HEATR5A: variants seen among roughly 807,000 people sequenced by gnomAD.
HEATR5A encodes HEAT repeat-containing protein 5A.
In HEATR5A, 178 loss-of-function variants were observed where a neutral mutation model predicts 218.8. The observed-to-expected ratio is 0.81, with a 90% CI of 0.72 to 0.92. HEATR5A has a LOEUF of 0.92. HEATR5A is among the 40% of genes least tolerant of loss of function. The pLI is 0.00. For missense variants in HEATR5A, 2,420 were observed against 2,418.9 expected (o/e 1.00, Z -0.01); for synonymous variants, 864 against 871.6 (o/e 0.99, Z 0.15).
chr14:31,309,950 A>G (rs1027724334), intron 28 of HEATR5A, among the ~76,000 whole-genome samples: 5 of 152,046 alleles, frequency 3.3e-5, no homozygotes, highest in African/African-American at 9.7e-5. Context: ...CAATCTGCCC[A>G]CTTCAGCCTC....
intron 11 of HEATR5A, among the ~76,000 whole-genome samples, chr14:31,379,730 G>A (rs541538521): frequency 1.3e-5 from 2 of 152,290 alleles, no homozygotes; most frequent in South Asian, 2.1e-4. Context: ...AAGGCGGAAG[G>A]ACTGCTTGAG....
intron 4 of HEATR5A, among the ~76,000 whole-genome samples, chr14:31,396,891 T>C (rs1454846421): frequency 6.6e-6 from 1 of 152,200 alleles, no homozygotes; most frequent in South Asian, 2.1e-4. Context: ...TAATCCTCTA[T>C]TAACCAAGGG....
chr14:31,383,653 C>T lies in HEATR5A; in HGVS notation c.1464G>A (p.Leu488=). Residue 488 remains leucine, a synonymous_variant, in exon 10 of 36, where the codon TTG becomes TTA. Transcript: ENST00000543095. ...CAGTAAGCCGTTCAAGGCAACGATC[C>T]AAGAGTGGTGTTAGGTAGGAGGGTA... is the stretch of plus-strand genomic sequence containing the variant. ...VALPSYLTPL[L]DRCLERLTGH... is the part of the protein sequence containing the mutation. 6.2e-7 allele frequency: 1 copy of T among 1,613,882 alleles called. No homozygotes were observed. Among genetic ancestry groups the T allele is most frequent in the Non-Finnish European group, 8.5e-7 (1 of 1,179,886 alleles).
At chr14:31,335,814 G>T (rs1900630447) in intron 22 of HEATR5A, among the ~76,000 whole-genome samples, 1 of 151,862 alleles carries the variant, frequency 6.6e-6, no homozygotes, top group Non-Finnish European at 1.5e-5. Context: ...CCACCACACA[G>T]ATCTAATTTT....
At chr14:31,314,227 C>T (rs1036438136) in intron 27 of HEATR5A, among the ~76,000 whole-genome samples, 1 of 151,388 alleles carries the variant, frequency 6.6e-6, no homozygotes, top group South Asian at 2.1e-4. Context: ...GGATTATAGG[C>T]GTGAGCCACC....
chr14:31,292,315 A>T lies in HEATR5A; in HGVS notation c.*990T>A, dbSNP rs575385791. ...AAAATTGGTAAGAACAGAGGTAAAC[A>T]GAAAAATCCATTTGAAAAATAGTGG... is the stretch of plus-strand genomic sequence containing the variant. On this transcript the variant is annotated 3_prime_UTR_variant, in exon 36 of 36. Transcript: ENST00000543095. 119 of 152,368 alleles carry T rather than the reference A, an allele frequency of 7.8e-4. No homozygotes were observed. Among genetic ancestry groups the T allele is most frequent in the African/African-American group, 2.8e-3 (117 of 41,590 alleles). 9.4% of individuals were successfully genotyped at this position (152,368 alleles called of 1,614,324 possible). A position where few individuals can be genotyped will look rare whatever the true frequency, so the allele number is the denominator to read the frequency against.
At chr14:31,321,361 GAAC>G in intron 25 of HEATR5A, 135 bp downstream of exon 25, 2 of 563,508 alleles carry the variant, frequency 3.5e-6, no homozygotes, top group Non-Finnish European at 6.1e-6. Flanking sequence ...GCCCGGTCTT[GAAC>G]TCCTGGGCTC....
chr14:31,403,093 G>C, intron 1 of HEATR5A, 44 bp from the exon 2 acceptor site: 1 of 879,554 alleles, frequency 1.1e-6, no homozygotes, highest in South Asian at 2.2e-5. Flanking sequence ...GGGGTAAAAA[G>C]GAAGGCAATC....
At chr14:31,373,495 AT>A (rs199789179) in intron 12 of HEATR5A, among the ~76,000 whole-genome samples, 1 of 151,394 alleles carries the variant, frequency 6.6e-6, no homozygotes, top group East Asian at 2.0e-4. Context: ...CATCTGGCTA[AT>A]TTTTTTGTAT....
Position 31,400,363 on chromosome 14 carries a change from G to A in HEATR5A, c.276C>T (p.Ile92=), listed in dbSNP as rs904851047. ...TACGAATAAGATCATTACATTTATC[G>A]ATTGCTTCATGAACGGAGAATGTGT... The part of the protein sequence containing the change: ...IGDTFSVHEA[I]DKCNDLIRSK... The change falls in exon 3 of 36, where the codon ATC becomes ATT. Residue 92 remains isoleucine (I), a synonymous_variant. Transcript: ENST00000543095. 2.5e-5 allele frequency: 38 copies of A among 1,535,548 alleles called. No homozygotes were observed. Among genetic ancestry groups the A allele is most frequent in the Admixed American group, 2.2e-4 (11 of 50,962 alleles).
At chr14:31,411,934 C>A (rs2031288876) in intron 1 of HEATR5A, among the ~76,000 whole-genome samples, 1 of 152,076 alleles carries the variant, frequency 6.6e-6, no homozygotes, top group South Asian at 2.1e-4. Flanking sequence ...TGGCTCATTG[C>A]AAGCACTGCC....
intron 11 of HEATR5A, among the ~76,000 whole-genome samples, chr14:31,378,588 C>T (rs959345849): frequency 2.0e-5 from 3 of 152,002 alleles, no homozygotes; most frequent in African/African-American, 7.2e-5. Context: ...CACATCGAGG[C>T]CATCCTGGCT....
chr14:31,380,484 G>A lies in HEATR5A; in HGVS notation c.1691C>T (p.Ser564Phe). Residue 564 changes from serine (S) to phenylalanine (F), a missense_variant, in exon 11 of 36, where the codon TCT becomes TTT. Transcript: ENST00000543095. ...QRTQAGWLLI[S>F]ALMTLGPAVV... is the part of the protein sequence containing the mutation. ...ACTGTTACCTAATGTCATCAGAGCA[G>A]AAATCAGCAACCATCCAGCTTGTGT... is the stretch of plus-strand genomic sequence containing the variant. 6.2e-7 allele frequency: 1 copy of A among 1,606,108 alleles called. No individual in the cohort carries two copies. Among genetic ancestry groups the A allele is most frequent in the Non-Finnish European group, 8.5e-7 (1 of 1,175,952 alleles).
rs546768904 is a variant in HEATR5A at position 31,313,006 on chromosome 14, G to C, written c.4403C>G (p.Thr1468Ser). The change falls in exon 28 of 36, where the codon ACT becomes AGT. Residue 1468 changes from threonine to serine, a missense_variant. Physicochemically the swap from Thr to Ser is moderately conservative, Grantham distance 58. Transcript: ENST00000543095. The stretch of plus-strand genomic sequence containing the variant: ...TTGGGAGGCAAATTCTGAAGGCAAA[G>C]TTAAAAGAGCAAAATCCTGAAGTGC... ...LAALQDFALLTLPSEFASQLP... is the reference protein window; with the variant it reads ...LAALQDFALLSLPSEFASQLP... The C allele has an allele frequency of 6.2e-7, 1 of 1,614,000 alleles. No homozygotes were observed. The highest frequency in any genetic ancestry group is 2.2e-5 in the East Asian group (1 of 44,876).
At position 31,359,006 on chromosome 14, in the gene HEATR5A, T is replaced by C; in HGVS notation, c.2123A>G (p.Asp708Gly). Residue 708 changes from aspartate (D) to glycine (G), a missense_variant, in exon 15 of 36, where the codon GAT becomes GGT. Asp to Gly is a moderately conservative substitution (Grantham distance 94, BLOSUM62 -1). Coordinates refer to ENST00000543095, the MANE Select transcript of HEATR5A (RefSeq NM_015473.4). Reference protein sequence around the residue: ...RELAADLTAPDIQVAASTFLL... With the variant: ...RELAADLTAPGIQVAASTFLL... Reference sequence around the variant, plus strand: ...AAATGTAGATGCTGCCACCTGAATATCAGGGGCAGTCAAGTCAGCAGCCAG... The same window carrying C: ...AAATGTAGATGCTGCCACCTGAATACCAGGGGCAGTCAAGTCAGCAGCCAG... 3 of 1,587,346 alleles carry C rather than the reference T, an allele frequency of 1.9e-6. No individual in the cohort carries two copies. The highest frequency in any genetic ancestry group is 2.6e-6 in the Non-Finnish European group (3 of 1,173,852).
intron 14 of HEATR5A, among the ~76,000 whole-genome samples, chr14:31,359,287 A>AGT (rs35338545): frequency 0.024 from 1,224 of 50,464 alleles, 9 homozygotes; most frequent in Middle Eastern, 0.054. Flanking sequence ...AAAGTGTAAG[A>AGT]GTGTGTGTGT....
Position 31,347,682 on chromosome 14 carries a change from T to A in HEATR5A, c.2868+66A>T, listed in dbSNP as rs1901067089. The A allele has an allele frequency of 3.4e-6, 4 of 1,191,086 alleles. No individual in the cohort carries two copies. In the South Asian group the frequency reaches 1.1e-4, roughly 33 times the overall value. 73.8% of individuals were successfully genotyped at this position (1,191,086 alleles called of 1,614,324 possible). On this transcript the variant is annotated intron_variant, in intron 19 of 35. Coordinates refer to ENST00000543095, the MANE Select transcript of HEATR5A (RefSeq NM_015473.4). ...ATATTCATAAATTATTAATGTTCAA[T>A]ATAAACACAATCTGCATCATCTAAA...
chr14:31,349,625 C>G (rs1901145904), intron 18 of HEATR5A, among the ~76,000 whole-genome samples, 164 bp downstream of exon 18: 1 of 152,092 alleles, frequency 6.6e-6, no homozygotes, highest in African/African-American at 2.4e-5. Flanking sequence ...GTGCCAAGAC[C>G]AGCCGGCCAA....
At chr14:31,308,875 A>G in intron 29 of HEATR5A, 59 bp downstream of exon 29, 1 of 647,960 alleles carries the variant, frequency 1.5e-6, no homozygotes, top group Non-Finnish European at 2.1e-6. Context: ...ACTCCATCTC[A>G]AAAAAAAAAA....
Sources: gnomAD v4.1 joint callset for allele counts (sites outside exome capture counted in the v4.1 genomes callset) on GRCh38, gnomAD v4.1.1 for gene constraint, MANE v1.5 for transcripts, NCBI Gene and HGNC (gene_info 2026-07-23, HGNC 2026-07-21) for gene names.